The following ZMYM1 variants were observed in gnomAD, a reference collection of about 807,000 sequenced individuals.
The protein encoded by ZMYM1 is zinc finger MYM-type protein 1.
ZMYM1 carries 39 observed loss-of-function variants against 60.0 expected under a neutral mutation model. The ratio of observed to expected loss-of-function variants is 0.65; its 90% CI spans 0.50 to 0.85. The LOEUF is 0.85. Among genes scored for constraint, ZMYM1 ranks in the 40% least tolerant of loss-of-function variants. ZMYM1 has a pLI of 0.00. For missense variants in ZMYM1, 1,171 were observed against 1,309.5 expected, an observed-to-expected ratio of 0.89 and a Z score of 1.63; for synonymous variants, 413 against 454.0, an observed-to-expected ratio of 0.91 and a Z score of 1.15.
At position 35,095,811 on chromosome 1, in the gene ZMYM1, CT is replaced by C; in HGVS notation, c.97-3del. The C allele has an allele frequency of 1.3e-6, 2 of 1,520,822 alleles. No individual in the cohort carries two copies. The highest frequency in any genetic ancestry group is 2.4e-5 in the East Asian group (1 of 41,622). 94.2% of individuals were successfully genotyped at this position (1,520,822 alleles called of 1,614,324 possible). ...TATTTTTAATTATTATTTTTTTTTT[CT>C]TTTTAGGAGTATTGTCATAGGCAAC... On this transcript the variant is annotated splice_region_variant and splice_polypyrimidine_tract_variant and intron_variant, in intron 2 of 9. Coordinates refer to ENST00000359858, the MANE Select transcript of ZMYM1 (RefSeq NM_024772.5).
At chr1:35,117,995 T>G (rs1644266407), downstream of ZMYM1, among the ~76,000 whole-genome samples, 1 of 151,570 alleles carries the variant, frequency 6.6e-6, no homozygotes, top group Admixed American at 6.6e-5. Context: ...ATCCCAACAC[T>G]TTGGGAGGCT....
chr1:35,113,694 A>G lies in ZMYM1; in HGVS notation c.1864A>G (p.Ile622Val). The G allele has an allele frequency of 6.2e-7, 1 of 1,613,656 alleles. No individual in the cohort carries two copies. The highest frequency in any genetic ancestry group is 8.5e-7 in the Non-Finnish European group (1 of 1,179,806). The change falls in exon 10 of 10, where the codon ATC (isoleucine) becomes GTC (valine). Residue 622 changes from isoleucine to valine, a missense_variant. Physicochemically the swap from Ile to Val is conservative, Grantham distance 29. Transcript: ENST00000359858. Reference sequence around the variant, plus strand: ...CAGTACACAAATTCAAAGTGATATTATCGAAATAATAAAGACTGAAATGTT... The same window carrying G: ...CAGTACACAAATTCAAAGTGATATTGTCGAAATAATAAAGACTGAAATGTT... ...YNSTQIQSDI[I>V]EIIKTEMLQD...
At chr1:35,118,255 A>G (rs1315229030), downstream of ZMYM1, among the ~76,000 whole-genome samples, 6 of 151,900 alleles carry the variant, frequency 3.9e-5, no homozygotes, top group South Asian at 2.1e-4. Flanking sequence ...AAAAAAAAAA[A>G]AAAAGAAAAT....
intron 1 of ZMYM1, among the ~76,000 whole-genome samples, chr1:35,092,924 C>T (rs1643110811): frequency 6.6e-6 from 1 of 152,154 alleles, no homozygotes; most frequent in Non-Finnish European, 1.5e-5. Context: ...TGTGCCCAGC[C>T]AACTTCGTTA....
At chr1:35,080,228 T>A (rs562760600) in intron 1 of ZMYM1, among the ~76,000 whole-genome samples, 1 of 152,158 alleles carries the variant, frequency 6.6e-6, no homozygotes, top group Non-Finnish European at 1.5e-5. Context: ...TTTCAAACTT[T>A]CCAGTTCCTT....
chr1:35,061,820 T>TTTATTTATTTATTTA (rs1641882767), intron 1 of ZMYM1, among the ~76,000 whole-genome samples: 1 of 145,574 alleles, frequency 6.9e-6, no homozygotes, highest in African/African-American at 2.7e-5. Flanking sequence ...TCCCTTTTAT[T>TTTATTTATTTATTTA]TTTATTTATT....
chr1:35,089,593 A>G (rs6661856), intron 1 of ZMYM1, among the ~76,000 whole-genome samples: 2,249 of 150,422 alleles, frequency 0.015, 52 homozygotes, highest in African/African-American at 0.05. Flanking sequence ...GAATAAAACC[A>G]TAGTCCTGGA....
At position 35,114,581 on chromosome 1, in the gene ZMYM1, G is replaced by A; in HGVS notation, c.2751G>A (p.Glu917=). 2 of 1,609,720 alleles carry A rather than the reference G, an allele frequency of 1.2e-6. No homozygotes were observed. Among genetic ancestry groups the A allele is most frequent in the Middle Eastern group, 1.7e-4 (1 of 6,044 alleles). Residue 917 remains glutamate (E), a synonymous_variant, in exon 10 of 10, where the codon GAG becomes GAA. Transcript: ENST00000359858. ...VYFKTIWDGT[E]EICQKITCKG... is the part of the protein sequence containing the mutation. Reference sequence around the variant, plus strand: ...TTAAAACAATCTGGGATGGAACAGAGGAAATATGTCAAAAAATAACCTGTA... The same window carrying A: ...TTAAAACAATCTGGGATGGAACAGAAGAAATATGTCAAAAAATAACCTGTA...
rs939254670 is a variant in ZMYM1, at chr1:35,110,313, T to A, written c.827T>A (p.Ile276Lys). Residue 276 changes from isoleucine (I) to lysine (K), a missense_variant, in exon 7 of 10, where the codon ATA becomes AAA. Physicochemically the swap from Ile to Lys is moderately radical, Grantham distance 102 (BLOSUM62 -3). Coordinates refer to ENST00000359858, the MANE Select transcript of ZMYM1 (RefSeq NM_024772.5). The stretch of plus-strand genomic sequence containing the variant: ...AAACAGAAACCTGCCAAACCACTTA[T>A]ATCTGTTCCTTGCAAACCATTGAAG... ...AYKQKPAKPL[I>K]SVPCKPLKPS... is the part of the protein sequence containing the mutation. The A allele has an allele frequency of 7.7e-6, 12 of 1,557,776 alleles. No homozygotes were observed. The highest frequency in any genetic ancestry group is 9.5e-6 in the Non-Finnish European group (11 of 1,157,368).
chr1:35,073,334 A>AAGG (rs1557626472), intron 1 of ZMYM1, among the ~76,000 whole-genome samples: 4 of 44,172 alleles, frequency 9.1e-5, no homozygotes, highest in Admixed American at 2.6e-4. Flanking sequence ...AGGGAGAAAG[A>AAGG]AAGAAAGGAA....
At position 35,115,427 on chromosome 1, in the gene ZMYM1, C is replaced by T. The variant is rs906645421; in HGVS notation, c.*168C>T. Reference sequence around the variant, plus strand: ...AAAGTGTTATCTTTTCCTTAAATATCCCTCTAGAGGTATTTTTCCTAAGTG... The same window carrying T: ...AAAGTGTTATCTTTTCCTTAAATATTCCTCTAGAGGTATTTTTCCTAAGTG... On this transcript the variant is annotated 3_prime_UTR_variant, in exon 10 of 10. Transcript: ENST00000359858. The T allele has an allele frequency of 1.4e-6, 1 of 739,734 alleles. No homozygotes were observed. The highest frequency in any genetic ancestry group is 2.1e-6 in the Non-Finnish European group (1 of 483,584). The allele number at this position is 739,734 out of a possible 1,614,324, so 45.8% of individuals were successfully genotyped here.
chr1:35,070,226 A>T (rs1375797995), intron 1 of ZMYM1, among the ~76,000 whole-genome samples: 2 of 152,100 alleles, frequency 1.3e-5, no homozygotes, highest in Admixed American at 6.6e-5. Context: ...TGAATATGGG[A>T]TATCTTTCCA....
Position 35,113,539 on chromosome 1 carries a change from C to T in ZMYM1, c.1709C>T (p.Pro570Leu), listed in dbSNP as rs773514185. Residue 570 changes from proline to leucine, a missense_variant, in exon 10 of 10, where the codon CCC (proline) becomes CTC (leucine). Coordinates refer to ENST00000359858, the MANE Select transcript of ZMYM1 (RefSeq NM_024772.5). ...TTATTTCTTGGAAAGCAGTGTTTACCCTTAAGAGGAAACGACCAGTCAGTT... is the reference window on the plus strand; with the variant it reads ...TTATTTCTTGGAAAGCAGTGTTTACTCTTAAGAGGAAACGACCAGTCAGTT... ...NILFLGKQCL[P>L]LRGNDQSVSS... The T allele has an allele frequency of 1.2e-6, 2 of 1,612,796 alleles. No individual in the cohort carries two copies. The highest frequency in any genetic ancestry group is 2.2e-5 in the East Asian group (1 of 44,840).
chr1:35,118,501 G>A (rs568223037), downstream of ZMYM1, among the ~76,000 whole-genome samples: 50 of 152,034 alleles, frequency 3.3e-4, no homozygotes, highest in African/African-American at 1.1e-3. Context: ...CGAGGTGGGC[G>A]GATCACGAGG....
At position 35,115,048 on chromosome 1, in the gene ZMYM1, C is replaced by A; in HGVS notation, c.3218C>A (p.Ala1073Asp). ...IPCLSKLLYI[A>D]LSWPITSAST... ...TGTCTCTCAAAGCTATTATATATTG[C>A]TTTGTCTTGGCCAATTACTTCAGCA... Residue 1073 changes from alanine (A) to aspartate (D), a missense_variant, in exon 10 of 10, where the codon GCT becomes GAT. By Grantham distance (126) the Ala-to-Asp change is moderately radical (BLOSUM62 -2). Coordinates refer to ENST00000359858, the MANE Select transcript of ZMYM1 (RefSeq NM_024772.5). 6.2e-7 allele frequency: 1 copy of A among 1,614,040 alleles called. No individual in the cohort carries two copies. The highest frequency in any genetic ancestry group is 8.5e-7 in the Non-Finnish European group (1 of 1,179,956).
intron 1 of ZMYM1, among the ~76,000 whole-genome samples, chr1:35,088,805 C>CTTTTTTTTTTTTTTT (rs375136566): frequency 7.5e-5 from 9 of 119,616 alleles, no homozygotes; most frequent in Non-Finnish European, 9.8e-5. Context: ...GGATGCTTTC[C>CTTTTTTTTTTTTTTT]TTTTTTTTTT....
At chr1:35,071,212 T>C (rs1271261142) in intron 1 of ZMYM1, among the ~76,000 whole-genome samples, 1 of 151,786 alleles carries the variant, frequency 6.6e-6, no homozygotes, top group Non-Finnish European at 1.5e-5. Context: ...TGATATATCA[T>C]ATTGATGTGA....
Position 35,082,862 on chromosome 1 carries a change from T to A in ZMYM1, c.-75+3420T>A, listed in dbSNP as rs576881787. 9.0e-4 allele frequency among the ~76,000 whole-genome samples: 137 copies of A among 151,838 alleles called. No individual in the cohort carries two copies. The East Asian group carries it at 0.025, about 28-fold the overall frequency. On this transcript the variant is annotated intron_variant, in intron 1 of 9. Transcript: ENST00000359858. Reference sequence around the variant, plus strand: ...CAGGAGTGGTAGTGCATGCCTGTAATCCTAGCTACTCAGGAGGCTGAGGCA... The same window carrying A: ...CAGGAGTGGTAGTGCATGCCTGTAAACCTAGCTACTCAGGAGGCTGAGGCA...
intron 1 of ZMYM1, among the ~76,000 whole-genome samples, chr1:35,087,932 G>A (rs1642745219): frequency 6.6e-6 from 1 of 151,948 alleles, no homozygotes; most frequent in Admixed American, 6.6e-5. Flanking sequence ...ATGCTGGCTG[G>A]TGCCTATAAT....
Sources: gnomAD v4.1 joint callset for allele counts (sites outside exome capture counted in the v4.1 genomes callset) on GRCh38, gnomAD v4.1.1 for gene constraint, MANE v1.5 for transcripts, NCBI Gene and HGNC (gene_info 2026-07-23, HGNC 2026-07-21) for gene names.